Variants in PDCD11 observed in about 807,000 individuals in gnomAD.
PDCD11 encodes the protein protein RRP5 homolog.
A neutral mutation model predicts 198.9 loss-of-function variants in PDCD11; 97 were observed. That is an observed-to-expected ratio of 0.49 (90% CI 0.41 to 0.58). The LOEUF (loss-of-function observed/expected upper bound fraction) is 0.58, where lower values mean the gene tolerates loss of function less well. PDCD11 is among the 20% of genes least tolerant of loss of function. The pLI is 0.00. For synonymous variants in PDCD11, 893 were observed against 918.0 expected (o/e 0.97, Z 0.49); for missense variants, 2,102 against 2,312.7 (o/e 0.91, Z 1.87).
rs772084342 is a variant in PDCD11, at chr10:103,439,779, C to T, written c.4059C>T (p.Tyr1353=). ...LGPSVVGLAR[Y]SHVSQHSPSK... is the part of the protein sequence containing the mutation. Reference sequence around the variant, plus strand: ...CCTCCGTTGTGGGTTTGGCTCGGTACTCCCATGTCTCCCAGCACAGCCCGT... The same window carrying T: ...CCTCCGTTGTGGGTTTGGCTCGGTATTCCCATGTCTCCCAGCACAGCCCGT... Residue 1353 remains tyrosine (Y), a synonymous_variant, in exon 28 of 36, where the codon TAC becomes TAT. Coordinates refer to ENST00000369797, the MANE Select transcript of PDCD11 (RefSeq NM_014976.2). 1.2e-6 allele frequency: 2 copies of T among 1,614,146 alleles called. No homozygotes were observed. Among genetic ancestry groups the T allele is most frequent in the East Asian group, 2.2e-5 (1 of 44,874 alleles).
chr10:103,422,031 T>G (rs186901979), intron 17 of PDCD11, among the ~76,000 whole-genome samples: 1 of 144,204 alleles, frequency 6.9e-6, no homozygotes, highest in Non-Finnish European at 1.5e-5. Flanking sequence ...TTAATGGAAG[T>G]ATGACCTGCA....
At chr10:103,399,132 G>A in intron 2 of PDCD11, among the ~76,000 whole-genome samples, 1 of 132,576 alleles carries the variant, frequency 7.5e-6, no homozygotes, top group Non-Finnish European at 1.6e-5. Context: ...TTTTTTTTGA[G>A]ACGAAGTCTT....
Position 103,416,709 on chromosome 10 carries a change from C to T in PDCD11, c.1737C>T (p.Ile579=), listed in dbSNP as rs1168294529. 1.2e-6 allele frequency: 2 copies of T among 1,614,170 alleles called. No individual in the cohort carries two copies. Among genetic ancestry groups the T allele is most frequent in the Non-Finnish European group, 1.7e-6 (2 of 1,180,026 alleles). ...VPKHELSTEY[I]PDPERVFYTG... is the part of the protein sequence containing the mutation. ...AGCATGAGCTCAGTACTGAGTATAT[C>T]CCTGACCCGGAGAGAGTTTTTTACA... Residue 579 remains isoleucine, a synonymous_variant, in exon 13 of 36, where the codon ATC becomes ATT. Coordinates refer to ENST00000369797, the MANE Select transcript of PDCD11 (RefSeq NM_014976.2).
intron 19 of PDCD11, 54 bp downstream of exon 19, chr10:103,423,712 C>G (rs1285408544): frequency 5.1e-6 from 6 of 1,180,430 alleles, no homozygotes; most frequent in Non-Finnish European, 7.6e-6. Flanking sequence ...TACCCTTCAA[C>G]CCCACTCCAG....
chr10:103,420,936 C>T (rs1227701476), intron 16 of PDCD11, among the ~76,000 whole-genome samples: 8 of 151,316 alleles, frequency 5.3e-5, no homozygotes, highest in African/African-American at 1.2e-4. Context: ...AGTGCAGTGG[C>T]GCAATCTCGG....
chr10:103,439,753 C>G lies in PDCD11; in HGVS notation c.4033C>G (p.Pro1345Ala). Residue 1345 changes from proline to alanine, a missense_variant, in exon 28 of 36, where the codon CCC becomes GCC. Coordinates refer to ENST00000369797, the MANE Select transcript of PDCD11 (RefSeq NM_014976.2). ...QPHGVFFRLGPSVVGLARYSH... is the reference protein window; with the variant it reads ...QPHGVFFRLGASVVGLARYSH... The stretch of plus-strand genomic sequence containing the variant: ...TTGCCTCTCTCCTTTCAGCCTTGGC[C>G]CCTCCGTTGTGGGTTTGGCTCGGTA... 1 of 1,614,104 alleles carries G rather than the reference C, an allele frequency of 6.2e-7. No individual in the cohort carries two copies. The highest frequency in any genetic ancestry group is 1.1e-5 in the South Asian group (1 of 91,084).
At position 103,438,759 on chromosome 10, in the gene PDCD11, C is replaced by T. The variant is rs774927267; in HGVS notation, c.3976C>T (p.Leu1326Phe). Reference sequence around the variant, plus strand: ...CATCCAGGACATTAAGGAAGGGCAGCTTCTGAGGGGCTATGTAGGGTCCAT... The same window carrying T: ...CATCCAGGACATTAAGGAAGGGCAGTTTCTGAGGGGCTATGTAGGGTCCAT... The part of the protein sequence containing the change: ...NSIQDIKEGQ[L>F]LRGYVGSIQP... Residue 1326 changes from leucine to phenylalanine, a missense_variant, in exon 27 of 36, where the codon CTT becomes TTT. Physicochemically the swap from Leu to Phe is conservative, Grantham distance 22. Transcript: ENST00000369797. 3.7e-6 allele frequency: 6 copies of T among 1,614,138 alleles called. No individual in the cohort carries two copies. The highest frequency in any genetic ancestry group is 5.1e-6 in the Non-Finnish European group (6 of 1,180,014).
At chr10:103,400,375 G>A in intron 2 of PDCD11, 22 bp from the exon 3 acceptor site, 1 of 1,599,242 alleles carries the variant, frequency 6.3e-7, no homozygotes, top group Non-Finnish European at 8.5e-7. Context: ...GGTCTTTGTG[G>A]GCTCCCCCTA....
At chr10:103,433,151 G>A (rs187079297) in intron 22 of PDCD11, among the ~76,000 whole-genome samples, 1 of 152,306 alleles carries the variant, frequency 6.6e-6, no homozygotes, top group East Asian at 1.9e-4. Flanking sequence ...GATGCCATGT[G>A]CATAGTAGCT....
intron 23 of PDCD11, 30 bp downstream of exon 23, chr10:103,434,067 G>C (rs368258425): frequency 4.0e-5 from 62 of 1,551,794 alleles, no homozygotes; most frequent in Non-Finnish European, 5.3e-5. Context: ...CTGGAGAGGG[G>C]ACCCAAGTTC....
chr10:103,434,148 G>A, intron 23 of PDCD11, 100 bp from the exon 24 acceptor site: 1 of 1,203,150 alleles, frequency 8.3e-7, no homozygotes, highest in Non-Finnish European at 1.2e-6. Context: ...TTATTTAAGG[G>A]TTGCTTTGGG....
At position 103,445,718 on chromosome 10, in the gene PDCD11, A is replaced by C; in HGVS notation, c.*169A>C. Reference sequence around the variant, plus strand: ...ATGAAAAGGAAGTTGAGATTTTTTAAATCCCTCTTCGCTTGCTTTATTTTC... The same window carrying C: ...ATGAAAAGGAAGTTGAGATTTTTTACATCCCTCTTCGCTTGCTTTATTTTC... On this transcript the variant is annotated 3_prime_UTR_variant, in exon 36 of 36. Coordinates refer to ENST00000369797, the MANE Select transcript of PDCD11 (RefSeq NM_014976.2). The C allele has an allele frequency of 1.7e-6, 1 of 587,344 alleles. No homozygotes were observed. The highest frequency in any genetic ancestry group is 3.0e-6 in the Non-Finnish European group (1 of 332,686). The allele number at this position is 587,344 out of a possible 1,614,324, so 36.4% of individuals were successfully genotyped here.
chr10:103,420,644 C>A (rs2031369456), intron 16 of PDCD11, among the ~76,000 whole-genome samples: 1 of 151,990 alleles, frequency 6.6e-6, no homozygotes, highest in African/African-American at 2.4e-5. Context: ...GGCCTGTCTC[C>A]CTGGTGTTTT....
At chr10:103,422,731 G>A (rs2031509123) in intron 17 of PDCD11, among the ~76,000 whole-genome samples, 1 of 152,134 alleles carries the variant, frequency 6.6e-6, no homozygotes. Context: ...AGAAACCAAA[G>A]GAAAGCCTGT....
rs1210003289 is a variant in PDCD11 at position 103,415,128 on chromosome 10, A to G, written c.1495A>G (p.Ile499Val). ...LMKNPEKKYH[I>V]GDEVKCRVLL... The stretch of plus-strand genomic sequence containing the variant: ...GAAGAATCCGGAGAAGAAGTACCAC[A>G]TCGGGGATGAGGTCAAGTGCCGGGT... Residue 499 changes from isoleucine to valine, a missense_variant, in exon 12 of 36, where the codon ATC becomes GTC. Physicochemically the swap from Ile to Val is conservative, Grantham distance 29. Coordinates refer to ENST00000369797, the MANE Select transcript of PDCD11 (RefSeq NM_014976.2). 14 of 1,613,944 alleles carry G rather than the reference A, an allele frequency of 8.7e-6. No homozygotes were observed. Among genetic ancestry groups the G allele is most frequent in the Non-Finnish European group, 1.1e-5 (13 of 1,180,042 alleles).
chr10:103,431,051 T>C (rs2031913946), intron 21 of PDCD11, among the ~76,000 whole-genome samples: 1 of 152,012 alleles, frequency 6.6e-6, no homozygotes, highest in Non-Finnish European at 1.5e-5. Flanking sequence ...CCACCCGCCT[T>C]GGCCTCCCAA....
chr10:103,440,149 T>G, intron 28 of PDCD11, 141 bp from the exon 29 acceptor site: 6 of 1,302,370 alleles, frequency 4.6e-6, no homozygotes, highest in African/African-American at 3.0e-5. Flanking sequence ...AAATCATTCT[T>G]GAGAATATTG....
intron 11 of PDCD11, 126 bp from the exon 12 acceptor site, chr10:103,414,879 T>G: frequency 1.1e-6 from 1 of 898,512 alleles, no homozygotes; most frequent in Admixed American, 2.0e-5. Context: ...ATGTGCCATC[T>G]GGAATAACAG....
Position 103,438,822 on chromosome 10 carries a change from G to A in PDCD11, c.4025+14G>A, listed in dbSNP as rs559125791. The A allele has an allele frequency of 8.1e-6, 13 of 1,613,352 alleles. No individual in the cohort carries two copies. The South Asian group carries it at 1.2e-4, about 15-fold the overall frequency. ...TGTGTTCTTTCGGTGAGTGAGGGGG[G>A]CTCTGCACCCGGACCCAAGTGCCTT... On this transcript the variant is annotated intron_variant, in intron 27 of 35. Coordinates refer to ENST00000369797, the MANE Select transcript of PDCD11 (RefSeq NM_014976.2).
Sources: gnomAD v4.1 joint callset for allele counts (sites outside exome capture counted in the v4.1 genomes callset) on GRCh38, gnomAD v4.1.1 for gene constraint, MANE v1.5 for transcripts, NCBI Gene and HGNC (gene_info 2026-07-23, HGNC 2026-07-21) for gene names.